Variants in MYRIP observed in about 807,000 individuals in gnomAD.
The protein encoded by MYRIP is rab effector MyRIP.
MYRIP carries 49 observed loss-of-function variants against 98.0 expected under a neutral mutation model. The observed-to-expected ratio is 0.50, with a 90% CI of 0.40 to 0.63. The LOEUF (loss-of-function observed/expected upper bound fraction) is 0.63, where lower values mean the gene tolerates loss of function less well. MYRIP is among the 30% of genes least tolerant of loss of function. The pLI, the probability that MYRIP is intolerant of heterozygous loss-of-function variation, is 0.00. For missense variants in MYRIP, 1,004 were observed against 1,058.2 expected (o/e 0.95, Z 0.71); for synonymous variants, 404 against 409.5 (o/e 0.99, Z 0.16).
At chr3:39,822,535 T>C (rs1941134330) in intron 1 of MYRIP, among the ~76,000 whole-genome samples, 1 of 152,206 alleles carries the variant, frequency 6.6e-6, no homozygotes, top group Non-Finnish European at 1.5e-5. Flanking sequence ...ACAATTCTTC[T>C]TCCAATATGG....
At chr3:40,124,446 C>A (rs1198987171) in intron 3 of MYRIP, among the ~76,000 whole-genome samples, 1 of 152,198 alleles carries the variant, frequency 6.6e-6, no homozygotes, top group Non-Finnish European at 1.5e-5. Flanking sequence ...GGAGAAAGAT[C>A]AGGACTGGTC....
intron 2 of MYRIP, among the ~76,000 whole-genome samples, chr3:39,956,882 C>T (rs1427868488): frequency 6.6e-6 from 1 of 151,764 alleles, no homozygotes. Context: ...AAATTACCAT[C>T]AGAGAATACT....
intron 2 of MYRIP, among the ~76,000 whole-genome samples, chr3:39,932,509 C>T (rs926373834): frequency 5.9e-5 from 9 of 152,150 alleles, no homozygotes; most frequent in Non-Finnish European, 1.2e-4. Context: ...TACAGGTGTC[C>T]GCCACCATGC....
chr3:39,854,726 A>T (rs754143459), intron 1 of MYRIP, among the ~76,000 whole-genome samples: 17 of 152,118 alleles, frequency 1.1e-4, no homozygotes, highest in Non-Finnish European at 1.9e-4. Context: ...CTTTTGTCAT[A>T]TTACCAGAAT....
chr3:39,990,282 CCTT>C (rs1946142522), intron 2 of MYRIP, among the ~76,000 whole-genome samples: 1 of 152,182 alleles, frequency 6.6e-6, no homozygotes, highest in South Asian at 2.1e-4. Flanking sequence ...CACTACTCTT[CCTT>C]CTTCTCTGTG....
Position 40,035,052 on chromosome 3 carries a change from A to G in MYRIP, c.111-8998A>G, listed in dbSNP as rs987909590. Among the ~76,000 whole-genome samples, 4 of 122,328 alleles carry G rather than the reference A, an allele frequency of 3.3e-5. No individual in the cohort carries two copies. The Admixed American group carries it at 4.5e-4, about 14-fold the overall frequency. The allele number at this position is 122,328 out of a possible 152,430, so 80.3% of individuals were successfully genotyped here. ...AACACATGGACACAGGAAGGGGAACATTACACTCTGGGGACTGTTATGGGG... is the reference window on the plus strand; with the variant it reads ...AACACATGGACACAGGAAGGGGAACGTTACACTCTGGGGACTGTTATGGGG... On this transcript the variant is annotated intron_variant, in intron 2 of 16. Coordinates refer to ENST00000302541, the MANE Select transcript of MYRIP (RefSeq NM_015460.4).
intron 1 of MYRIP, among the ~76,000 whole-genome samples, chr3:39,897,762 C>T (rs1943648009): frequency 1.3e-5 from 2 of 151,494 alleles, no homozygotes. Flanking sequence ...AGAAAGTTTT[C>T]TCAGTCTCTG....
At chr3:39,815,114 T>G (rs1180512348) in intron 1 of MYRIP, among the ~76,000 whole-genome samples, 2 of 152,312 alleles carry the variant, frequency 1.3e-5, no homozygotes, top group East Asian at 3.9e-4. Flanking sequence ...TTTTAGAATA[T>G]TTTTGAACCC....
intron 10 of MYRIP, among the ~76,000 whole-genome samples, chr3:40,204,741 A>G (rs1442609372): frequency 6.6e-6 from 1 of 152,090 alleles, no homozygotes; most frequent in Non-Finnish European, 1.5e-5. Flanking sequence ...GGGAGCTTGT[A>G]GGGTCCTCAT....
chr3:40,045,063 C>G (rs1420269533), intron 3 of MYRIP, among the ~76,000 whole-genome samples: 2 of 152,128 alleles, frequency 1.3e-5, no homozygotes, highest in Non-Finnish European at 2.9e-5. Context: ...TTCCAAAATG[C>G]CTGTTAATGA....
intron 1 of MYRIP, among the ~76,000 whole-genome samples, chr3:39,876,019 G>A (rs1055232739): frequency 1.3e-4 from 20 of 152,142 alleles, no homozygotes; most frequent in South Asian, 1.2e-3. Flanking sequence ...ATGAATCTGG[G>A]TGCTCCTGTA....
At chr3:40,038,496 T>C (rs1436029960) in intron 2 of MYRIP, among the ~76,000 whole-genome samples, 2 of 152,012 alleles carry the variant, frequency 1.3e-5, no homozygotes, top group East Asian at 3.9e-4. Context: ...ATGAAATAAG[T>C]AAACCTCTGA....
chr3:39,889,533 G>A (rs1286938647), intron 1 of MYRIP, among the ~76,000 whole-genome samples: 1 of 152,116 alleles, frequency 6.6e-6, no homozygotes, highest in Non-Finnish European at 1.5e-5. Context: ...CCGTTGTGGG[G>A]TGGGGGTAGG....
chr3:40,134,325 G>A (rs1025533060), intron 3 of MYRIP, among the ~76,000 whole-genome samples: 5 of 152,232 alleles, frequency 3.3e-5, no homozygotes, highest in Admixed American at 6.5e-5. Context: ...AGGCGGCAGC[G>A]AGGCTGCGGG....
Position 39,941,787 on chromosome 3 carries a change from C to T in MYRIP, c.110+40861C>T, listed in dbSNP as rs913872603. On this transcript the variant is annotated intron_variant, in intron 2 of 16. Transcript: ENST00000302541. ...ATTTTTTATAACATAAATAATGCTACAGTGAACATCCTCATATATTATAAA... is the reference window on the plus strand; with the variant it reads ...ATTTTTTATAACATAAATAATGCTATAGTGAACATCCTCATATATTATAAA... 2.0e-5 allele frequency among the ~76,000 whole-genome samples: 3 copies of T among 151,990 alleles called. No individual in the cohort carries two copies. The East Asian group carries it at 5.8e-4, about 29-fold the overall frequency.
In MYRIP at chr3:40,147,449, G is replaced by A. The variant is rs891752856; in HGVS notation, c.333-3599G>A. ...ACAAATGCACATGTCTTGACCGTGT[G>A]ATCATTTTATACTTTGTCTATAAAT... On this transcript the variant is annotated intron_variant, in intron 3 of 16. Coordinates refer to ENST00000302541, the MANE Select transcript of MYRIP (RefSeq NM_015460.4). Among the ~76,000 whole-genome samples the A allele has an allele frequency of 2.0e-5, 3 of 152,066 alleles. No individual in the cohort carries two copies. The South Asian group carries it at 6.2e-4, about 32-fold the overall frequency.
intron 1 of MYRIP, among the ~76,000 whole-genome samples, chr3:39,887,856 A>C (rs914551954): frequency 1.1e-4 from 17 of 152,182 alleles, no homozygotes; most frequent in Admixed American, 6.5e-4. Flanking sequence ...CAATGTACAA[A>C]AATCACAAGC....
intron 10 of MYRIP, among the ~76,000 whole-genome samples, chr3:40,193,285 T>C (rs996004753): frequency 4.6e-5 from 7 of 152,096 alleles, no homozygotes; most frequent in African/African-American, 1.7e-4. Context: ...AAAACAATAA[T>C]AGATCCAACA....
Position 39,986,247 on chromosome 3 carries a change from G to A in MYRIP, c.111-57803G>A, listed in dbSNP as rs185540231. On this transcript the variant is annotated intron_variant, in intron 2 of 16. Transcript: ENST00000302541. ...ACTCGTCATTAGAGTCAGAGCACAT[G>A]TCCCCAAAGGGCCAGCCTCATTCTG... Among the ~76,000 whole-genome samples the A allele has an allele frequency of 8.7e-4, 132 of 152,322 alleles. 1 individual carries two copies. Among genetic ancestry groups the A allele is most frequent in the Non-Finnish European group, 1.4e-3 (93 of 68,032 alleles).
Sources: gnomAD v4.1 joint callset for allele counts (sites outside exome capture counted in the v4.1 genomes callset) on GRCh38, gnomAD v4.1.1 for gene constraint, MANE v1.5 for transcripts, NCBI Gene and HGNC (gene_info 2026-07-23, HGNC 2026-07-21) for gene names.